SH3GLB1: variants seen among roughly 807,000 people sequenced by gnomAD.
SH3GLB1 encodes endophilin-B1.
A neutral mutation model predicts 42.0 loss-of-function variants in SH3GLB1; 17 were observed. That is an observed-to-expected ratio of 0.40 (90% CI 0.28 to 0.61). The LOEUF (loss-of-function observed/expected upper bound fraction) is 0.61, where lower values mean the gene tolerates loss of function less well. Among genes scored for constraint, SH3GLB1 ranks in the 20% least tolerant of loss-of-function variants. The pLI, the probability that SH3GLB1 is intolerant of heterozygous loss-of-function variation, is 0.36. For synonymous variants in SH3GLB1, 132 were observed against 146.6 expected (o/e 0.90, Z 0.72); for missense variants, 355 against 426.3 (o/e 0.83, Z 1.47).
chr1:86,725,650 G>A (rs1033577969), intron 5 of SH3GLB1, among the ~76,000 whole-genome samples: 2 of 152,038 alleles, frequency 1.3e-5, no homozygotes, highest in African/African-American at 2.4e-5. Context: ...GAATCATTGC[G>A]TTAATGAGCA....
chr1:86,705,847 C>T (rs891656349), intron 1 of SH3GLB1, among the ~76,000 whole-genome samples: 2 of 152,176 alleles, frequency 1.3e-5, no homozygotes, highest in African/African-American at 4.8e-5. Context: ...TTTACGGTCA[C>T]GGTAGCAACA....
rs1278146218 is a variant in SH3GLB1 at position 86,748,019 on chromosome 1, T to C, written c.*4784T>C. The C allele has an allele frequency of 2.0e-5, 3 of 152,204 alleles. No homozygotes were observed. 9.4% of individuals were successfully genotyped at this position (152,204 alleles called of 1,614,324 possible). A position where few individuals can be genotyped will look rare whatever the true frequency, so the allele number is the denominator to read the frequency against. On this transcript the variant is annotated 3_prime_UTR_variant, in exon 9 of 9. Transcript: ENST00000370558. Reference sequence around the variant, plus strand: ...TGGGATCAAAGTGTACATACTGTTTTGTAACTTTTTTTCACTCAACAATAC... The same window carrying C: ...TGGGATCAAAGTGTACATACTGTTTCGTAACTTTTTTTCACTCAACAATAC...
In SH3GLB1 at chr1:86,719,707, A is replaced by G. The variant is rs72961615; in HGVS notation, c.343+72A>G. The G allele has an allele frequency of 1.0e-4, 147 of 1,436,822 alleles. No homozygotes were observed. In the African/African-American group the frequency reaches 1.9e-3, roughly 18 times the overall value. 89.0% of individuals were successfully genotyped at this position (1,436,822 alleles called of 1,614,324 possible). ...GATTTATTAGAGATGTCATTAACAT[A>G]TTAGTAGGCCGGGTGCAGTGGCTCA... On this transcript the variant is annotated intron_variant, in intron 3 of 8. Coordinates refer to ENST00000370558, the MANE Select transcript of SH3GLB1 (RefSeq NM_016009.5).
intron 6 of SH3GLB1, 139 bp from the exon 7 acceptor site, chr1:86,734,940 C>A: frequency 1.5e-6 from 1 of 679,158 alleles, no homozygotes; most frequent in South Asian, 1.9e-5. Flanking sequence ...TTCACGAAGG[C>A]CAATCTTAAT....
chr1:86,719,649 A>T lies in SH3GLB1; in HGVS notation c.343+14A>T, dbSNP rs577054604. The T allele has an allele frequency of 6.2e-7, 1 of 1,600,872 alleles. No homozygotes were observed. Among genetic ancestry groups the T allele is most frequent in the Non-Finnish European group, 8.5e-7 (1 of 1,174,606 alleles). On this transcript the variant is annotated intron_variant, in intron 3 of 8. Transcript: ENST00000370558. ...GAACAGCTTATGGTAAGTGAAATGC[A>T]AAAAGTTCTAATAAGGGATATCTTT...
rs753595065 is a variant in SH3GLB1 at position 86,734,638 on chromosome 1, G to T, written c.607G>T (p.Asp203Tyr). 1 of 1,613,258 alleles carries T rather than the reference G, an allele frequency of 6.2e-7. No homozygotes were observed. The highest frequency in any genetic ancestry group is 1.7e-5 in the Admixed American group (1 of 59,984). Residue 203 changes from aspartate (D) to tyrosine (Y), a missense_variant, in exon 6 of 9, where the codon GAT becomes TAT. Transcript: ENST00000370558. ...QELRITQSEF[D>Y]RQAEITRLLL... ...ATTAAGAATAACTCAAAGTGAATTTGATCGTCAAGCAGAGATTACCAGACT... is the reference window on the plus strand; with the variant it reads ...ATTAAGAATAACTCAAAGTGAATTTTATCGTCAAGCAGAGATTACCAGACT...
At chr1:86,736,544 T>C (rs1398921614) in intron 7 of SH3GLB1, among the ~76,000 whole-genome samples, 2 of 152,232 alleles carry the variant, frequency 1.3e-5, no homozygotes, top group East Asian at 3.8e-4. Context: ...ATTATAACTA[T>C]TTTAAGCCCA....
At chr1:86,733,581 A>G (rs1356067762) in intron 5 of SH3GLB1, among the ~76,000 whole-genome samples, 2 of 152,198 alleles carry the variant, frequency 1.3e-5, no homozygotes, top group Non-Finnish European at 2.9e-5. Flanking sequence ...GAGAAAAGCT[A>G]ACTATTCTGA....
At chr1:86,724,172 G>A in intron 4 of SH3GLB1, 141 bp from the exon 5 acceptor site, 1 of 517,124 alleles carries the variant, frequency 1.9e-6, no homozygotes. Context: ...TACATGAATG[G>A]TAACTTTATA....
At chr1:86,726,538 G>T (rs1570273656) in intron 5 of SH3GLB1, among the ~76,000 whole-genome samples, 1 of 151,870 alleles carries the variant, frequency 6.6e-6, no homozygotes. Flanking sequence ...TGATACAAAT[G>T]ATTTTATTCA....
chr1:86,734,890 G>A (rs1253329017), intron 6 of SH3GLB1, among the ~76,000 whole-genome samples, 189 bp from the exon 7 acceptor site: 1 of 151,972 alleles, frequency 6.6e-6, no homozygotes, highest in Non-Finnish European at 1.5e-5. Flanking sequence ...AAATATACAT[G>A]TTGTTGTTTA....
At chr1:86,730,202 A>T in intron 5 of SH3GLB1, 2 of 1,518,100 alleles carry the variant, frequency 1.3e-6, no homozygotes, top group South Asian at 2.5e-5. Flanking sequence ...CCATGGGTCC[A>T]GTCACAGTCT....
chr1:86,738,088 A>T (rs1655865761), intron 7 of SH3GLB1, among the ~76,000 whole-genome samples: 1 of 152,154 alleles, frequency 6.6e-6, no homozygotes. Context: ...CACGTTGAGG[A>T]TAGGTGTTGG....
chr1:86,735,077 A>G lies in SH3GLB1; in HGVS notation c.661-2A>G. ...AGAACTAACTATAATTTTCCTTCAC[A>G]GGCCCATCACCTTCGCTGTCTGAAT... is the stretch of plus-strand genomic sequence containing the variant. On this transcript the variant is annotated splice_acceptor_variant, in intron 6 of 8. Transcript: ENST00000370558. LOFTEE classifies it high-confidence loss of function. 1 of 1,611,070 alleles carries G rather than the reference A, an allele frequency of 6.2e-7. No individual in the cohort carries two copies. The highest frequency in any genetic ancestry group is 8.5e-7 in the Non-Finnish European group (1 of 1,177,514).
intron 5 of SH3GLB1, among the ~76,000 whole-genome samples, chr1:86,731,699 T>C (rs1414608084): frequency 6.6e-6 from 1 of 152,166 alleles, no homozygotes; most frequent in East Asian, 1.9e-4. Flanking sequence ...TATATACATA[T>C]ATATAAAAAT....
chr1:86,725,763 G>A (rs1655160919), intron 5 of SH3GLB1, among the ~76,000 whole-genome samples: 1 of 152,072 alleles, frequency 6.6e-6, no homozygotes, highest in South Asian at 2.1e-4. Flanking sequence ...ACTTGGTATT[G>A]GATAGTAATG....
rs903985031 is a variant in SH3GLB1, at chr1:86,744,864, A to G, written c.*1629A>G. 2 of 152,196 alleles carry G rather than the reference A, an allele frequency of 1.3e-5. No individual in the cohort carries two copies. The highest frequency in any genetic ancestry group is 2.9e-5 in the Non-Finnish European group (2 of 68,032). 9.4% of individuals were successfully genotyped at this position (152,196 alleles called of 1,614,324 possible). On this transcript the variant is annotated 3_prime_UTR_variant, in exon 9 of 9. Transcript: ENST00000370558. The stretch of plus-strand genomic sequence containing the variant: ...AATTCTTCTGCAGTTTTATAGTTGT[A>G]CAAGATGTTTTGACTCACTCTCAAT...
intron 2 of SH3GLB1, 67 bp from the exon 3 acceptor site, chr1:86,719,440 G>A (rs1654733786): frequency 9.7e-6 from 14 of 1,449,732 alleles, no homozygotes; most frequent in South Asian, 4.1e-5. Context: ...GCTGATGGGG[G>A]AAAAAAACAA....
Position 86,743,467 on chromosome 1 carries a change from G to T in SH3GLB1, c.*232G>T. ...TCTTACAAAATTCTCTTTTTATTGAGGTTTCACTAATAAGCAGCTTCTACT... is the reference window on the plus strand; with the variant it reads ...TCTTACAAAATTCTCTTTTTATTGATGTTTCACTAATAAGCAGCTTCTACT... On this transcript the variant is annotated 3_prime_UTR_variant, in exon 9 of 9. Coordinates refer to ENST00000370558, the MANE Select transcript of SH3GLB1 (RefSeq NM_016009.5). The T allele has an allele frequency of 3.4e-6, 1 of 292,366 alleles. No homozygotes were observed. Among genetic ancestry groups the T allele is most frequent in the Non-Finnish European group, 6.3e-6 (1 of 158,242 alleles). 18.1% of individuals were successfully genotyped at this position (292,366 alleles called of 1,614,324 possible). A position where few individuals can be genotyped will look rare whatever the true frequency, so the allele number is the denominator to read the frequency against.
Sources: allele counts gnomAD v4.1 joint callset (sites outside exome capture counted in the v4.1 genomes callset), GRCh38; gene constraint gnomAD v4.1.1; transcripts MANE v1.5; gene names NCBI Gene and HGNC (gene_info 2026-07-23, HGNC 2026-07-21).